PARP11: variants seen among roughly 807,000 people sequenced by gnomAD.
The protein encoded by PARP11 is protein mono-ADP-ribosyltransferase PARP11.
In PARP11, 31 loss-of-function variants were observed where a neutral mutation model predicts 42.9. The ratio of observed to expected loss-of-function variants is 0.72; its 90% CI spans 0.54 to 0.98. The LOEUF (loss-of-function observed/expected upper bound fraction) is 0.98. PARP11 is among the 50% of genes least tolerant of loss of function. PARP11 has a pLI of 0.00. For missense variants in PARP11, 365 were observed against 413.1 expected (o/e 0.88, Z 1.01); for synonymous variants, 137 against 127.3 (o/e 1.08, Z -0.51).
chr12:3,830,080 C>T, intron 1 of PARP11, 62 bp from the exon 2 acceptor site: 1 of 1,487,062 alleles, frequency 6.7e-7, no homozygotes, highest in Non-Finnish European at 9.3e-7. Context: ...ATACTTTTTA[C>T]AGATCATTTT....
At chr12:3,828,886 C>T in intron 3 of PARP11, 24 bp downstream of exon 3, 2 of 1,607,908 alleles carry the variant, frequency 1.2e-6, no homozygotes, top group South Asian at 1.1e-5. Flanking sequence ...TAAAAACACA[C>T]AACTATTAGG....
chr12:3,824,739 G>C (rs1274002319), intron 4 of PARP11: 2 of 320,062 alleles, frequency 6.2e-6, no homozygotes, highest in African/African-American at 4.5e-5. Flanking sequence ...AAGCACAGCA[G>C]ATACAATGTA....
chr12:3,831,090 T>C (rs1440346788), intron 1 of PARP11, among the ~76,000 whole-genome samples: 1 of 152,194 alleles, frequency 6.6e-6, no homozygotes, highest in East Asian at 1.9e-4. Flanking sequence ...ATTAAGTTTA[T>C]ACAACTACTA....
intron 1 of PARP11, among the ~76,000 whole-genome samples, chr12:3,845,345 T>G (rs1375623065): frequency 6.6e-6 from 1 of 152,218 alleles, no homozygotes; most frequent in Non-Finnish European, 1.5e-5. Context: ...CAGACCACAA[T>G]GCCGATATAT....
chr12:3,858,427 T>C (rs1287314312), intron 1 of PARP11, among the ~76,000 whole-genome samples: 5 of 152,216 alleles, frequency 3.3e-5, no homozygotes, highest in Admixed American at 6.5e-5. Flanking sequence ...CAAGAATTCA[T>C]GTCAATTTAT....
chr12:3,830,391 C>A (rs1256511750), intron 1 of PARP11, among the ~76,000 whole-genome samples: 1 of 152,134 alleles, frequency 6.6e-6, no homozygotes, highest in Admixed American at 6.5e-5. Context: ...TGGTTAAGAT[C>A]AAATGCATCT....
intron 1 of PARP11, among the ~76,000 whole-genome samples, chr12:3,839,161 C>CT (rs1555139174): frequency 6.7e-6 from 1 of 149,286 alleles, no homozygotes; most frequent in East Asian, 1.9e-4. Flanking sequence ...GGGCCGCCGC[C>CT]GCCGCCTGCC....
chr12:3,844,266 T>C (rs532526748), intron 1 of PARP11, among the ~76,000 whole-genome samples: 10 of 152,208 alleles, frequency 6.6e-5, no homozygotes, highest in Non-Finnish European at 1.0e-4. Flanking sequence ...ACTGGGATGG[T>C]TGTGTGGAAA....
chr12:3,852,423 A>G (rs1424711143), intron 1 of PARP11, among the ~76,000 whole-genome samples: 1 of 152,206 alleles, frequency 6.6e-6, no homozygotes, highest in South Asian at 2.1e-4. Flanking sequence ...TAGAACAAAC[A>G]GTGTAAGAGA....
At chr12:3,831,716 T>C (rs879560271) in intron 1 of PARP11, among the ~76,000 whole-genome samples, 2 of 152,162 alleles carry the variant, frequency 1.3e-5, no homozygotes, top group Admixed American at 6.5e-5. Flanking sequence ...TTCTAAGAAA[T>C]GAAAAATAGA....
intron 3 of PARP11, among the ~76,000 whole-genome samples, chr12:3,827,220 A>C (rs1057292179): frequency 6.6e-6 from 1 of 152,218 alleles, no homozygotes; most frequent in South Asian, 2.1e-4. Flanking sequence ...CAAAGAGTAC[A>C]TGTGAAATGC....
intron 1 of PARP11, among the ~76,000 whole-genome samples, chr12:3,832,510 A>G (rs1947665155): frequency 6.6e-6 from 1 of 152,208 alleles, no homozygotes; most frequent in Non-Finnish European, 1.5e-5. Context: ...TATGTTGCTA[A>G]CATTTAGTTT....
At chr12:3,813,600 A>T (rs951373297) in intron 7 of PARP11, among the ~76,000 whole-genome samples, 3 of 152,206 alleles carry the variant, frequency 2.0e-5, no homozygotes, top group Admixed American at 1.3e-4. Flanking sequence ...GTTATTTTTT[A>T]AATTAATTTA....
intron 6 of PARP11, among the ~76,000 whole-genome samples, chr12:3,816,877 G>A (rs1201777943): frequency 6.6e-6 from 1 of 152,134 alleles, no homozygotes; most frequent in Non-Finnish European, 1.5e-5. Flanking sequence ...ACTGCAGCCT[G>A]GGGAACAGAG....
In PARP11 at chr12:3,840,016, A is replaced by G. The variant is rs576569996; in HGVS notation, c.19-9998T>C. ...GCAGCTGAAGAACAATGGGAACTCT[A>G]CTAGCCTGCCTTTGGCTAGAAAGGT... On this transcript the variant is annotated intron_variant, in intron 1 of 7. Transcript: ENST00000228820. The surrounding 1 kb of genome is among the most constrained non-coding windows in gnomAD (Gnocchi z 4.4). The G allele has an allele frequency of 3.7e-6, 6 of 1,602,110 alleles. No individual in the cohort carries two copies. The East Asian group carries it at 1.3e-4, about 36-fold the overall frequency.
chr12:3,825,742 G>C (rs1947505027), intron 4 of PARP11, among the ~76,000 whole-genome samples: 1 of 151,840 alleles, frequency 6.6e-6, no homozygotes, highest in Non-Finnish European at 1.5e-5. Flanking sequence ...TTATTTTTTT[G>C]AGATGGAGTC....
intron 6 of PARP11, among the ~76,000 whole-genome samples, chr12:3,818,880 G>A (rs906314862): frequency 6.6e-6 from 1 of 151,996 alleles, no homozygotes; most frequent in South Asian, 2.1e-4. Flanking sequence ...TTTCCTCCTT[G>A]GGTTTTCTCT....
chr12:3,850,155 G>A lies in PARP11; in HGVS notation c.19-20137C>T, dbSNP rs1395656415. The stretch of plus-strand genomic sequence containing the variant: ...AATCACAGTAAATAAGATGGTATAT[G>A]TAATAAATTAAATATAGATGCTACA... On this transcript the variant is annotated intron_variant, in intron 1 of 7. Transcript: ENST00000228820. Among the ~76,000 whole-genome samples the A allele has an allele frequency of 3.3e-5, 5 of 152,002 alleles. No homozygotes were observed. The East Asian group carries it at 5.8e-4, about 18-fold the overall frequency.
chr12:3,814,405 T>A (rs938585278), intron 6 of PARP11, among the ~76,000 whole-genome samples: 1 of 152,186 alleles, frequency 6.6e-6, no homozygotes, highest in Non-Finnish European at 1.5e-5. Flanking sequence ...CACTGAAACT[T>A]AAGGTTGAAA....
Sources: gnomAD v4.1 joint callset for allele counts (sites outside exome capture counted in the v4.1 genomes callset) on GRCh38, gnomAD v4.1.1 for gene constraint, Gnocchi (gnomAD v3.1) non-coding constraint, MANE v1.5 for transcripts, NCBI Gene and HGNC (gene_info 2026-07-23, HGNC 2026-07-21) for gene names.